Variants in NOS1 observed in about 807,000 individuals in gnomAD.
The protein encoded by NOS1 is NOS type I.
Under a neutral mutation model 164.5 loss-of-function variants are expected in NOS1, and 51 were observed. The ratio of observed to expected loss-of-function variants is 0.31; its 90% CI spans 0.25 to 0.39. The LOEUF (loss-of-function observed/expected upper bound fraction) is 0.39. NOS1 is among the 10% of genes least tolerant of loss of function. The pLI is 1.00. For missense variants in NOS1, 1,362 were observed against 1,885.6 expected (o/e 0.72, Z 5.14); for synonymous variants, 719 against 745.8 (o/e 0.96, Z 0.59).
intron 9 of NOS1, among the ~76,000 whole-genome samples, chr12:117,276,109 G>T (rs1442772530): frequency 2.0e-5 from 3 of 152,016 alleles, no homozygotes; most frequent in Non-Finnish European, 2.9e-5. Flanking sequence ...TTTGATACAG[G>T]CCTGTAATGT....
chr12:117,213,559 TC>T lies in NOS1; in HGVS notation c.*1749del. ...AGATTGCCTTTTCACTTTAACAGTCTCCTGGCCTGGGCCCTTTGGGGTCTTG... is the reference window on the plus strand; with the variant it reads ...AGATTGCCTTTTCACTTTAACAGTCTCTGGCCTGGGCCCTTTGGGGTCTTG... On this transcript the variant is annotated 3_prime_UTR_variant, in exon 29 of 29. Transcript: ENST00000317775. 1 of 985,450 alleles carries T rather than the reference TC, an allele frequency of 1.0e-6. No individual in the cohort carries two copies. The highest frequency in any genetic ancestry group is 1.2e-6 in the Non-Finnish European group (1 of 829,950). 61.0% of individuals were successfully genotyped at this position (985,450 alleles called of 1,614,324 possible).
chr12:117,274,769 CAAAAAAAA>C (rs71099039), intron 9 of NOS1, among the ~76,000 whole-genome samples: 1 of 77,018 alleles, frequency 1.3e-5, no homozygotes, highest in African/African-American at 5.6e-5. Flanking sequence ...CTCCGTCTCA[CAAAAAAAA>C]AAAAAAAAAA....
intron 25 of NOS1, among the ~76,000 whole-genome samples, chr12:117,224,434 C>T (rs1451053498): frequency 2.6e-5 from 4 of 152,206 alleles, no homozygotes; most frequent in Non-Finnish European, 4.4e-5. Flanking sequence ...TACATGTGCC[C>T]GCCACCACGC....
At chr12:117,242,483 C>A in intron 20 of NOS1, 144 bp downstream of exon 20, 1 of 683,066 alleles carries the variant, frequency 1.5e-6, no homozygotes, top group Non-Finnish European at 2.6e-6. Flanking sequence ...GAACCCCAGA[C>A]ACTATAAAGC....
At chr12:117,308,011 A>G (rs1008258217) in intron 3 of NOS1, among the ~76,000 whole-genome samples, 4 of 151,690 alleles carry the variant, frequency 2.6e-5, no homozygotes, top group Non-Finnish European at 5.9e-5. Flanking sequence ...AATAATAATA[A>G]TAATAATAGA....
intron 1 of NOS1, among the ~76,000 whole-genome samples, chr12:117,357,200 G>A (rs1876894490): frequency 6.6e-6 from 1 of 152,200 alleles, no homozygotes; most frequent in African/African-American, 2.4e-5. Context: ...GCACAGGCCT[G>A]TAGTCCCAGC....
At position 117,226,420 on chromosome 12, in the gene NOS1, G is replaced by C. The variant is rs9658502; in HGVS notation, c.3704+263C>G. ...AGACTGTATTTGCATGGTTTTCCCC[G>C]ATAGCTCCAGCACCTAGCCCAGTAC... is the stretch of plus-strand genomic sequence containing the variant. On this transcript the variant is annotated intron_variant, in intron 24 of 28. Transcript: ENST00000317775. 1.3e-3 allele frequency among the ~76,000 whole-genome samples: 198 copies of C among 152,216 alleles called. 1 individual carries two copies. The highest frequency in any genetic ancestry group is 2.3e-3 in the Non-Finnish European group (156 of 68,008).
chr12:117,341,623 G>A (rs1055711527), intron 1 of NOS1, among the ~76,000 whole-genome samples: 2 of 152,174 alleles, frequency 1.3e-5, no homozygotes, highest in South Asian at 4.1e-4. Flanking sequence ...TGGCACAAAA[G>A]CACAAAAGTG....
chr12:117,315,922 T>G (rs1377577649), intron 2 of NOS1, among the ~76,000 whole-genome samples: 8 of 152,200 alleles, frequency 5.3e-5, no homozygotes, highest in Non-Finnish European at 1.0e-4. Flanking sequence ...AACTTCTAGC[T>G]CTGTGTAGAA....
intron 9 of NOS1, among the ~76,000 whole-genome samples, chr12:117,275,434 A>G (rs1445504226): frequency 6.6e-6 from 1 of 152,180 alleles, no homozygotes; most frequent in Non-Finnish European, 1.5e-5. Context: ...ACTCATAGGT[A>G]GAAGCTACAA....
Position 117,331,007 on chromosome 12 carries a change from G to T in NOS1, c.63C>A (p.Phe21Leu). The T allele has an allele frequency of 6.2e-7, 1 of 1,614,198 alleles. No individual in the cohort carries two copies. The highest frequency in any genetic ancestry group is 8.5e-7 in the Non-Finnish European group (1 of 1,180,036). ...IQPNVISVRL[F>L]KRKVGGLGFL... ...ATCCCAGGCCCCCAACTTTGCGCTTGAAGAGACGAACAGAAATGACATTGG... is the reference window on the plus strand; with the variant it reads ...ATCCCAGGCCCCCAACTTTGCGCTTTAAGAGACGAACAGAAATGACATTGG... The change falls in exon 2 of 29, where the codon TTC (phenylalanine) becomes TTA (leucine). Residue 21 changes from phenylalanine to leucine, a missense_variant. Phe to Leu is a conservative substitution (Grantham distance 22). Coordinates refer to ENST00000317775, the MANE Select transcript of NOS1 (RefSeq NM_000620.5).
At position 117,226,736 on chromosome 12, in the gene NOS1, G is replaced by A. The variant is rs1246215347; in HGVS notation, c.3651C>T (p.Ser1217=). 4 of 1,613,898 alleles carry A rather than the reference G, an allele frequency of 2.5e-6. No individual in the cohort carries two copies. The highest frequency in any genetic ancestry group is 3.4e-6 in the Non-Finnish European group (4 of 1,179,968). The stretch of plus-strand genomic sequence containing the variant: ...CAGCCTGTATCCGGTTGAGCCAGGA[G>A]GAGCATACGCCGTGGTGAATTGGTC... ...GEGPIHHGVC[S]SWLNRIQADE... The change falls in exon 24 of 29, where the codon TCC becomes TCT. Residue 1217 remains serine, a synonymous_variant. Transcript: ENST00000317775.
chr12:117,353,417 TTCTTAAGCAC>T (rs1241445847), intron 1 of NOS1, among the ~76,000 whole-genome samples: 1 of 152,230 alleles, frequency 6.6e-6, no homozygotes, highest in African/African-American at 2.4e-5. Flanking sequence ...CAGCTCTAAA[TTCTTAAGCAC>T]ACTTATCTTC....
intron 3 of NOS1, chr12:117,309,484 C>A: frequency 4.6e-6 from 3 of 650,522 alleles, no homozygotes; most frequent in Non-Finnish European, 5.7e-6. Flanking sequence ...GTAGGCCAAG[C>A]ATCAGGAAAA....
intron 13 of NOS1, among the ~76,000 whole-genome samples, chr12:117,263,327 A>T (rs1455557920): frequency 6.6e-6 from 1 of 151,972 alleles, no homozygotes; most frequent in Non-Finnish European, 1.5e-5. Flanking sequence ...GCTCCTCCCT[A>T]GTCTGGGTTC....
intron 24 of NOS1, 55 bp from the exon 25 acceptor site, chr12:117,225,192 C>G (rs1357412820): frequency 6.4e-7 from 1 of 1,567,598 alleles, no homozygotes; most frequent in Non-Finnish European, 8.6e-7. Context: ...CAATCAAGAA[C>G]AATTGAATCT....
chr12:117,298,561 A>G (rs1349273613), intron 3 of NOS1, among the ~76,000 whole-genome samples: 3 of 152,170 alleles, frequency 2.0e-5, no homozygotes, highest in South Asian at 2.1e-4. Flanking sequence ...CTTTGGAGTT[A>G]GGGCCTTTAC....
intron 27 of NOS1, among the ~76,000 whole-genome samples, chr12:117,218,607 A>T (rs1956648530): frequency 6.6e-6 from 1 of 152,012 alleles, no homozygotes; most frequent in Non-Finnish European, 1.5e-5. Context: ...GCCGCATAGC[A>T]CTCAGGGAAC....
chr12:117,317,349 C>T (rs1874712813), intron 2 of NOS1, among the ~76,000 whole-genome samples: 1 of 151,184 alleles, frequency 6.6e-6, no homozygotes, highest in African/African-American at 2.4e-5. Context: ...CAGAGTTTCT[C>T]TACTTCCCCA....
Sources: gnomAD v4.1 joint callset for allele counts (sites outside exome capture counted in the v4.1 genomes callset) on GRCh38, gnomAD v4.1.1 for gene constraint, MANE v1.5 for transcripts, NCBI Gene and HGNC (gene_info 2026-07-23, HGNC 2026-07-21) for gene names.